Variants in CADPS2 observed in about 807,000 individuals in gnomAD.
CADPS2 encodes calcium-dependent secretion activator 2.
A neutral mutation model predicts 172.5 loss-of-function variants in CADPS2; 93 were observed. The ratio of observed to expected loss-of-function variants is 0.54; its 90% CI spans 0.46 to 0.64. CADPS2 has a LOEUF of 0.64. Ranked by LOEUF, CADPS2 falls within the 30% of genes least tolerant of loss-of-function variation. The probability of loss-of-function intolerance (pLI) is 0.00; values close to 1 mark genes in which losing one functional copy is unlikely to be tolerated. For synonymous variants in CADPS2, 546 were observed against 555.2 expected, an observed-to-expected ratio of 0.98 and a Z score of 0.23; for missense variants, 1,420 against 1,565.9, an observed-to-expected ratio of 0.91 and a Z score of 1.57.
intron 1 of CADPS2, among the ~76,000 whole-genome samples, chr7:122,877,997 T>C (rs1821681531): frequency 7.3e-6 from 1 of 136,550 alleles, no homozygotes; most frequent in Admixed American, 7.4e-5. Flanking sequence ...TACTGCACTA[T>C]TTTTAAAAAG....
chr7:122,818,320 T>C (rs1270481339), intron 1 of CADPS2, among the ~76,000 whole-genome samples: 9 of 152,114 alleles, frequency 5.9e-5, no homozygotes, highest in Non-Finnish European at 1.3e-4. Flanking sequence ...AACTCGACAG[T>C]AGTTCCAAAT....
chr7:122,659,759 G>T (rs552445308), intron 3 of CADPS2, among the ~76,000 whole-genome samples: 24 of 152,164 alleles, frequency 1.6e-4, no homozygotes, highest in Middle Eastern at 3.4e-3. Context: ...AAGCCATAAG[G>T]GGGAAAATAA....
At chr7:122,601,960 A>C (rs1047984349) in intron 6 of CADPS2, among the ~76,000 whole-genome samples, 1 of 152,082 alleles carries the variant, frequency 6.6e-6, no homozygotes, top group Non-Finnish European at 1.5e-5. Flanking sequence ...GTATTAATTT[A>C]AAAACATTCA....
At chr7:122,833,945 A>T (rs963509404) in intron 1 of CADPS2, among the ~76,000 whole-genome samples, 7 of 152,206 alleles carry the variant, frequency 4.6e-5, no homozygotes. Flanking sequence ...AATATATATC[A>T]GATTGGGGTG....
At position 122,663,289 on chromosome 7, in the gene CADPS2, T is replaced by C. The variant is rs1482486438; in HGVS notation, c.734A>G (p.Gln245Arg). The C allele has an allele frequency of 1.2e-6, 2 of 1,613,824 alleles. No homozygotes were observed. Among genetic ancestry groups the C allele is most frequent in the African/African-American group, 2.7e-5 (2 of 74,940 alleles). Residue 245 changes from glutamine (Q) to arginine (R), a missense_variant, in exon 3 of 30, where the codon CAG (glutamine) becomes CGG (arginine). Gln to Arg is a conservative substitution (Grantham distance 43, BLOSUM62 1). Transcript: ENST00000449022. ...SKEQLYEMFQ[Q>R]ILGIKKLEHQ... ...TTCCAGTTTTTTAATACCCAGAATC[T>C]GCTGAAACATTTCATAGAGTTGTTC...
intron 9 of CADPS2, among the ~76,000 whole-genome samples, chr7:122,512,633 T>C (rs2060083393): frequency 6.6e-6 from 1 of 152,160 alleles, no homozygotes; most frequent in South Asian, 2.1e-4. Flanking sequence ...AGGTGATTTC[T>C]TGGCTTATTT....
At chr7:122,812,741 T>C (rs1297958089) in intron 1 of CADPS2, among the ~76,000 whole-genome samples, 1 of 152,178 alleles carries the variant, frequency 6.6e-6, no homozygotes, top group South Asian at 2.1e-4. Context: ...CAACACATGA[T>C]GGTTATTCAT....
At chr7:122,615,113 A>G (rs924009235) in intron 6 of CADPS2, 68 bp downstream of exon 6, 3 of 928,056 alleles carry the variant, frequency 3.2e-6, no homozygotes, top group Admixed American at 4.7e-5. Context: ...ACATAAACAG[A>G]GCATGTTTCT....
chr7:122,501,900 GAA>G (rs377560103), intron 9 of CADPS2, among the ~76,000 whole-genome samples: 24 of 136,680 alleles, frequency 1.8e-4, no homozygotes, highest in African/African-American at 6.3e-4. Flanking sequence ...AAAAAAAAAG[GAA>G]AAAAAAAGTC....
intron 24 of CADPS2, among the ~76,000 whole-genome samples, chr7:122,382,631 T>C (rs2043160342): frequency 6.6e-6 from 1 of 152,048 alleles, no homozygotes; most frequent in Non-Finnish European, 1.5e-5. Flanking sequence ...TTTGGTACAT[T>C]AATGTTTCCA....
At chr7:122,885,026 G>C (rs996274081) in intron 1 of CADPS2, among the ~76,000 whole-genome samples, 1 of 152,122 alleles carries the variant, frequency 6.6e-6, no homozygotes, top group Non-Finnish European at 1.5e-5. Flanking sequence ...AATCTCTCTG[G>C]ATCTCTAGGT....
chr7:122,465,016 C>T (rs951042780), intron 14 of CADPS2, among the ~76,000 whole-genome samples: 3 of 151,572 alleles, frequency 2.0e-5, no homozygotes, highest in South Asian at 2.1e-4. Context: ...CTAAAATTAT[C>T]GTAAAATAAA....
At position 122,865,577 on chromosome 7, in the gene CADPS2, T is replaced by C. The variant is rs192583766; in HGVS notation, c.339+20422A>G. Among the ~76,000 whole-genome samples, 119 of 152,332 alleles carry C rather than the reference T, an allele frequency of 7.8e-4. 1 individual carries two copies. Among genetic ancestry groups the C allele is most frequent in the South Asian group, 3.3e-3 (16 of 4,832 alleles). ...CTTGTATCTGACTTCTGTACAAACATTGCCTCTGCAATTCCTCATTAAGAC... is the reference window on the plus strand; with the variant it reads ...CTTGTATCTGACTTCTGTACAAACACTGCCTCTGCAATTCCTCATTAAGAC... On this transcript the variant is annotated intron_variant, in intron 1 of 29. Transcript: ENST00000449022.
chr7:122,383,526 C>A (rs2043265848), intron 24 of CADPS2, among the ~76,000 whole-genome samples: 1 of 151,536 alleles, frequency 6.6e-6, no homozygotes, highest in Non-Finnish European at 1.5e-5. Context: ...TGTTAGATTT[C>A]AATTCATTCT....
chr7:122,856,260 T>C (rs1815176011), intron 1 of CADPS2, among the ~76,000 whole-genome samples: 1 of 152,202 alleles, frequency 6.6e-6, no homozygotes, highest in Non-Finnish European at 1.5e-5. Context: ...TAAGCCTCAT[T>C]GGAATATCCC....
chr7:122,617,689 C>T (rs2075080264), intron 5 of CADPS2, among the ~76,000 whole-genome samples: 2 of 151,848 alleles, frequency 1.3e-5, no homozygotes, highest in South Asian at 4.2e-4. Flanking sequence ...CATATAGCAC[C>T]AAACATAGAG....
chr7:122,552,897 T>C (rs1421577352), intron 8 of CADPS2, among the ~76,000 whole-genome samples: 2 of 151,872 alleles, frequency 1.3e-5, no homozygotes, highest in Middle Eastern at 3.2e-3. Flanking sequence ...GTAACTCTAC[T>C]AGTCTCTAAG....
chr7:122,797,428 C>A (rs1796616608), intron 1 of CADPS2, among the ~76,000 whole-genome samples: 1 of 152,050 alleles, frequency 6.6e-6, no homozygotes, highest in East Asian at 1.9e-4. Context: ...TTCACAATAA[C>A]AAACACATGG....
At chr7:122,748,893 A>G (rs905806858) in intron 1 of CADPS2, among the ~76,000 whole-genome samples, 4 of 152,062 alleles carry the variant, frequency 2.6e-5, no homozygotes, top group Non-Finnish European at 4.4e-5. Context: ...GGGAGGGATT[A>G]TTATCAGGTA....
Sources: allele counts gnomAD v4.1 joint callset (sites outside exome capture counted in the v4.1 genomes callset), GRCh38; gene constraint gnomAD v4.1.1; transcripts MANE v1.5; gene names NCBI Gene and HGNC (gene_info 2026-07-23, HGNC 2026-07-21).